Variants in PTPRD observed in about 807,000 individuals in gnomAD.
PTPRD encodes the protein receptor-type tyrosine-protein phosphatase delta.
PTPRD carries 34 observed loss-of-function variants against 214.5 expected under a neutral mutation model. The observed-to-expected ratio is 0.16, with a 90% CI of 0.12 to 0.21. PTPRD has a LOEUF of 0.21. Ranked by LOEUF, PTPRD falls within the 10% of genes least tolerant of loss-of-function variation. PTPRD has a pLI of 1.00. For synonymous variants in PTPRD, 1,128 were observed against 845.7 expected (o/e 1.33, Z -5.79); for missense variants, 2,545 against 2,398.7 (o/e 1.06, Z -1.27).
intron 3 of PTPRD, among the ~76,000 whole-genome samples, chr9:10,284,852 A>T (rs1429815058): frequency 1.3e-5 from 2 of 152,176 alleles, no homozygotes; most frequent in African/African-American, 4.8e-5. Flanking sequence ...TCCCCCTGAT[A>T]AGGTCACTTA....
chr9:9,593,237 G>A (rs1449145598), intron 7 of PTPRD, among the ~76,000 whole-genome samples: 1 of 151,324 alleles, frequency 6.6e-6, no homozygotes, highest in African/African-American at 2.4e-5. Flanking sequence ...TCAAAGAAAA[G>A]GGGGATTTCT....
At chr9:10,521,217 CT>C (rs1566708363) in intron 2 of PTPRD, among the ~76,000 whole-genome samples, 5 of 152,168 alleles carry the variant, frequency 3.3e-5, no homozygotes, top group Non-Finnish European at 5.9e-5. Context: ...TAGGTTCCAA[CT>C]CTCACAGATG....
chr9:8,395,026 A>G (rs2090724289), intron 36 of PTPRD, among the ~76,000 whole-genome samples: 1 of 152,130 alleles, frequency 6.6e-6, no homozygotes, highest in Admixed American at 6.6e-5. Flanking sequence ...AGAGATGGAG[A>G]TGGATGTTCA....
At chr9:8,592,587 C>T (rs886909597) in intron 14 of PTPRD, among the ~76,000 whole-genome samples, 1 of 152,066 alleles carries the variant, frequency 6.6e-6, no homozygotes, top group Admixed American at 6.6e-5. Context: ...CCTGATTCTA[C>T]AGTTCTTTAA....
intron 8 of PTPRD, among the ~76,000 whole-genome samples, chr9:9,447,615 A>C (rs1182160929): frequency 1.3e-5 from 2 of 152,044 alleles, no homozygotes; most frequent in Non-Finnish European, 2.9e-5. Context: ...AACAAGCCCC[A>C]ATGGCAAATG....
chr9:10,378,387 C>A (rs993014053), intron 2 of PTPRD, among the ~76,000 whole-genome samples: 4 of 151,956 alleles, frequency 2.6e-5, no homozygotes, highest in African/African-American at 9.7e-5. Flanking sequence ...AAATTTTGCC[C>A]AGATCAATGT....
intron 3 of PTPRD, among the ~76,000 whole-genome samples, chr9:10,263,470 A>T (rs1056424340): frequency 1.1e-4 from 17 of 152,106 alleles, no homozygotes; most frequent in African/African-American, 3.6e-4. Context: ...TCAGATGGAG[A>T]TGAGGAACTT....
chr9:10,301,948 C>T (rs2095873667), intron 3 of PTPRD, among the ~76,000 whole-genome samples: 1 of 152,070 alleles, frequency 6.6e-6, no homozygotes, highest in Non-Finnish European at 1.5e-5. Context: ...TTGAGAAGAG[C>T]AACCCCAAGA....
chr9:10,191,793 A>G (rs1330522228), intron 3 of PTPRD, among the ~76,000 whole-genome samples: 1 of 152,178 alleles, frequency 6.6e-6, no homozygotes, highest in Non-Finnish European at 1.5e-5. Context: ...TAGCAGTAGT[A>G]GGAAGCATTT....
chr9:8,977,455 A>G (rs1414398998), intron 11 of PTPRD, among the ~76,000 whole-genome samples: 1 of 152,096 alleles, frequency 6.6e-6, no homozygotes, highest in Non-Finnish European at 1.5e-5. Flanking sequence ...TGCCTCATTT[A>G]AACTAAATTA....
At chr9:10,118,867 A>AAAATAAATAAATAAAT (rs144204787) in intron 3 of PTPRD, among the ~76,000 whole-genome samples, 8,167 of 143,626 alleles carry the variant, frequency 0.057, 331 homozygotes, top group South Asian at 0.17. Flanking sequence ...AAATACACCA[A>AAAATAAATAAATAAAT]AAATAAATAA....
At chr9:8,605,688 C>T (rs2095166198) in intron 14 of PTPRD, among the ~76,000 whole-genome samples, 1 of 152,304 alleles carries the variant, frequency 6.6e-6, no homozygotes, top group South Asian at 2.1e-4. Flanking sequence ...TGGCAGAATG[C>T]TTTTGCACAT....
chr9:8,504,718 G>C (rs935545530), intron 22 of PTPRD, among the ~76,000 whole-genome samples: 2 of 152,178 alleles, frequency 1.3e-5, no homozygotes, highest in Non-Finnish European at 2.9e-5. Context: ...ATGTTCTGCC[G>C]TTAAATGTGT....
intron 2 of PTPRD, among the ~76,000 whole-genome samples, chr9:10,373,609 T>C (rs1598388136): frequency 6.6e-6 from 1 of 152,228 alleles, no homozygotes; most frequent in Non-Finnish European, 1.5e-5. Flanking sequence ...ATTGTGTCTC[T>C]TATTGCAGGA....
At chr9:8,910,069 C>G (rs1042252958) in intron 11 of PTPRD, among the ~76,000 whole-genome samples, 2 of 151,778 alleles carry the variant, frequency 1.3e-5, no homozygotes, top group East Asian at 3.9e-4. Flanking sequence ...GATGGAGTCT[C>G]GCTCTGTTGT....
chr9:9,947,413 T>TATATATA (rs2092791955), intron 4 of PTPRD, among the ~76,000 whole-genome samples: 3 of 36,978 alleles, frequency 8.1e-5, no homozygotes, highest in African/African-American at 5.8e-4. Context: ...TAATATATAT[T>TATATATA]TTATATATAT....
chr9:9,171,206 T>A (rs963180056), intron 10 of PTPRD, among the ~76,000 whole-genome samples: 41 of 152,242 alleles, frequency 2.7e-4, no homozygotes, highest in African/African-American at 8.9e-4. Context: ...AAAAGCTAAA[T>A]GGGGCATTGA....
At chr9:8,858,064 TGCC>T (rs894460288) in intron 11 of PTPRD, 28 of 155,176 alleles carry the variant, frequency 1.8e-4, no homozygotes, top group Non-Finnish European at 3.3e-4. Flanking sequence ...CTTCTCTCGC[TGCC>T]GCCGCCGCCG....
intron 9 of PTPRD, among the ~76,000 whole-genome samples, chr9:9,329,826 T>A (rs1297745691): frequency 6.6e-6 from 1 of 152,210 alleles, no homozygotes; most frequent in Non-Finnish European, 1.5e-5. Context: ...TAAGGTTCCA[T>A]TAGCTGTTAA....
Sources: gnomAD v4.1 joint callset for allele counts (sites outside exome capture counted in the v4.1 genomes callset) on GRCh38, gnomAD v4.1.1 for gene constraint, MANE v1.5 for transcripts, NCBI Gene and HGNC (gene_info 2026-07-23, HGNC 2026-07-21) for gene names.